Variants in CAST observed in about 807,000 individuals in gnomAD.
CAST encodes the protein calpastatin.
A neutral mutation model predicts 119.6 loss-of-function variants in CAST; 76 were observed. That is an observed-to-expected ratio of 0.64 (90% confidence interval 0.53 to 0.77). The LOEUF is 0.77. Ranked by LOEUF, CAST falls within the 30% of genes least tolerant of loss-of-function variation. The pLI is 0.00. For missense variants in CAST, 953 were observed against 946.5 expected (o/e 1.01, Z -0.09); for synonymous variants, 319 against 331.6 (o/e 0.96, Z 0.41).
At chr5:96,660,191 C>T (rs1748237391), upstream of CAST, among the ~76,000 whole-genome samples, 1 of 152,110 alleles carries the variant, frequency 6.6e-6, no homozygotes, top group African/African-American at 2.4e-5. Context: ...CGTCAGGTGC[C>T]CCCACCCCTT....
Position 96,746,395 on chromosome 5 carries a change from C to A in CAST, c.1254C>A (p.Ile418=). ...AGTGTGGTGAGGATGATGAAACAAT[C>A]CCATCTGAGTACAGATTAAAACCAG... ...LEKCGEDDET[I]PSEYRLKPAT... The change falls in exon 17 of 32, where the codon ATC becomes ATA. Residue 418 remains isoleucine (I), a synonymous_variant. Transcript: ENST00000675179. 1 of 1,610,940 alleles carries A rather than the reference C, an allele frequency of 6.2e-7. No individual in the cohort carries two copies. The highest frequency in any genetic ancestry group is 1.1e-5 in the South Asian group (1 of 91,016).
chr5:96,768,229 G>A (rs958282845), intron 29 of CAST, among the ~76,000 whole-genome samples: 5 of 151,922 alleles, frequency 3.3e-5, no homozygotes, highest in South Asian at 4.1e-4. Context: ...GACTACAGGC[G>A]TGCACCACCA....
intron 1 of CAST, among the ~76,000 whole-genome samples, chr5:96,546,064 T>C (rs1286568835): frequency 6.6e-6 from 1 of 152,196 alleles, no homozygotes; most frequent in Non-Finnish European, 1.5e-5. Flanking sequence ...ATAATTAAAT[T>C]TACTGCTTAA....
At chr5:96,102,353 C>A in the CAST span, among the ~76,000 whole-genome samples, 1 of 152,130 alleles carries the variant, frequency 6.6e-6, no homozygotes, top group African/African-American at 2.4e-5. Context: ...CGAAGTTAAG[C>A]CCTCTCTCCT....
the CAST span, among the ~76,000 whole-genome samples, chr5:96,016,178 T>G: frequency 6.6e-6 from 1 of 152,246 alleles, no homozygotes; most frequent in South Asian, 2.1e-4. Flanking sequence ...GACTTCATAT[T>G]TGCTTTGCCA....
chr5:96,432,449 C>T, the CAST span, among the ~76,000 whole-genome samples: 14 of 152,192 alleles, frequency 9.2e-5, no homozygotes, highest in African/African-American at 3.4e-4. Flanking sequence ...AAGGCAACAG[C>T]CGGCTCCTGA....
chr5:96,281,817 C>T, the CAST span, among the ~76,000 whole-genome samples: 1 of 152,070 alleles, frequency 6.6e-6, no homozygotes. Flanking sequence ...AAAATGTAGG[C>T]TTTTATTCTA....
At chr5:96,720,120 A>T (rs904870950) in intron 3 of CAST, among the ~76,000 whole-genome samples, 1 of 152,202 alleles carries the variant, frequency 6.6e-6, no homozygotes, top group African/African-American at 2.4e-5. Flanking sequence ...CCAGCACCTG[A>T]CACAGTACCT....
At chr5:96,224,547 A>C in the CAST span, among the ~76,000 whole-genome samples, 1 of 152,188 alleles carries the variant, frequency 6.6e-6, no homozygotes, top group Non-Finnish European at 1.5e-5. Context: ...ATGGTGGCAG[A>C]GATGGGACTG....
At chr5:96,513,966 A>G in the CAST span, among the ~76,000 whole-genome samples, 2 of 152,176 alleles carry the variant, frequency 1.3e-5, no homozygotes. Flanking sequence ...TTGCAGCTGC[A>G]TGAGTCCAAT....
chr5:95,992,602 A>G, the CAST span, among the ~76,000 whole-genome samples: 1 of 152,310 alleles, frequency 6.6e-6, no homozygotes, highest in East Asian at 1.9e-4. Context: ...ACTAAATGCA[A>G]TGTGATATTC....
At chr5:96,308,531 G>A in the CAST span, among the ~76,000 whole-genome samples, 1 of 151,888 alleles carries the variant, frequency 6.6e-6, no homozygotes, top group Non-Finnish European at 1.5e-5. Flanking sequence ...CGGGAGAGGA[G>A]GCGTTCTGGT....
the CAST span, among the ~76,000 whole-genome samples, chr5:96,232,117 T>TA: frequency 6.6e-6 from 1 of 152,092 alleles, no homozygotes; most frequent in Non-Finnish European, 1.5e-5. Context: ...GAAAAGTACT[T>TA]AAAGTTTTAT....
the CAST span, among the ~76,000 whole-genome samples, chr5:96,490,141 C>T: frequency 6.6e-6 from 1 of 152,220 alleles, no homozygotes; most frequent in Non-Finnish European, 1.5e-5. Context: ...TCCCCTGCTT[C>T]TCTCTGTTCT....
At chr5:96,029,406 G>A in the CAST span, among the ~76,000 whole-genome samples, 1 of 151,920 alleles carries the variant, frequency 6.6e-6, no homozygotes, top group African/African-American at 2.4e-5. Flanking sequence ...TAAAGAAAAT[G>A]TTTTATAGAT....
chr5:96,063,146 T>C, the CAST span, among the ~76,000 whole-genome samples: 1 of 152,258 alleles, frequency 6.6e-6, no homozygotes, highest in Non-Finnish European at 1.5e-5. Context: ...GATATAAATC[T>C]GGTGTGCTGT....
chr5:96,113,656 C>T, the CAST span, among the ~76,000 whole-genome samples: 1 of 152,250 alleles, frequency 6.6e-6, no homozygotes, highest in African/African-American at 2.4e-5. Flanking sequence ...TGCCTGGTGC[C>T]AGGGAGCTGA....
At chr5:96,036,425 G>T in the CAST span, among the ~76,000 whole-genome samples, 1 of 151,978 alleles carries the variant, frequency 6.6e-6, no homozygotes, top group Non-Finnish European at 1.5e-5. Context: ...ACATATCCCT[G>T]TACTTAAACC....
chr5:96,100,596 C>G, the CAST span, among the ~76,000 whole-genome samples: 1 of 152,168 alleles, frequency 6.6e-6, no homozygotes, highest in Non-Finnish European at 1.5e-5. Context: ...CACTCTCTAC[C>G]TGGGTGGGCT....
Sources: gnomAD v4.1 joint callset for allele counts (sites outside exome capture counted in the v4.1 genomes callset) on GRCh38, gnomAD v4.1.1 for gene constraint, MANE v1.5 for transcripts, NCBI Gene and HGNC (gene_info 2026-07-23, HGNC 2026-07-21) for gene names.